TSKU: variants seen among roughly 807,000 people sequenced by gnomAD.
The protein encoded by TSKU is tsukushi.
A neutral mutation model predicts 11.2 loss-of-function variants in TSKU; 4 were observed. The observed-to-expected ratio is 0.36, with a 90% CI of 0.18 to 0.82. The LOEUF is 0.82. Among genes scored for constraint, TSKU ranks in the 40% least tolerant of loss-of-function variants. TSKU has a pLI of 0.50. For missense variants in TSKU, 407 were observed against 482.5 expected, an observed-to-expected ratio of 0.84 and a Z score of 1.47; for synonymous variants, 220 against 232.2, an observed-to-expected ratio of 0.95 and a Z score of 0.48.
At position 76,796,793 on chromosome 11, in the gene TSKU, A is replaced by G; in HGVS notation, c.*115A>G. ...TGGGGAGCCCGCAGGCCTATGTGGC[A>G]GCGTCACCACAGGAGTTGTGGGCCT... On this transcript the variant is annotated 3_prime_UTR_variant, in exon 2 of 2. Transcript: ENST00000333090. The surrounding 1 kb of genome is among the most constrained non-coding windows in gnomAD (Gnocchi z 4.1). The G allele has an allele frequency of 1.3e-6, 1 of 791,084 alleles. No individual in the cohort carries two copies. The highest frequency in any genetic ancestry group is 1.8e-6 in the Non-Finnish European group (1 of 547,652). The allele number at this position is 791,084 out of a possible 1,614,324, so 49.0% of individuals were successfully genotyped here.
At chr11:76,794,870 G>C (rs765880296) in intron 1 of TSKU, among the ~76,000 whole-genome samples, 37 of 152,200 alleles carry the variant, frequency 2.4e-4, no homozygotes, top group Non-Finnish European at 4.7e-4. Context: ...CCATTGCAGG[G>C]AGGGAGTCCT....
chr11:76,785,047 C>G (rs922827059), intron 1 of TSKU, among the ~76,000 whole-genome samples: 1 of 152,182 alleles, frequency 6.6e-6, no homozygotes, highest in African/African-American at 2.4e-5. Flanking sequence ...GATGTTTAAC[C>G]TACACCTCCA....
chr11:76,793,965 G>A (rs1018150964), intron 1 of TSKU, among the ~76,000 whole-genome samples: 2 of 152,132 alleles, frequency 1.3e-5, no homozygotes, highest in African/African-American at 2.4e-5. Flanking sequence ...CCACCTTCCA[G>A]TCTGGAAGGT....
chr11:76,789,786 T>C (rs11236936), intron 1 of TSKU, among the ~76,000 whole-genome samples: 45,355 of 152,084 alleles, frequency 0.3, 7,727 homozygotes, highest in African/African-American at 0.46. Flanking sequence ...ATTTCTCTTT[T>C]TCCTGGGGGT....
chr11:76,796,895 T>C lies in TSKU; in HGVS notation c.*217T>C, dbSNP rs1233968554. 4 of 410,488 alleles carry C rather than the reference T, an allele frequency of 9.7e-6. No individual in the cohort carries two copies. The highest frequency in any genetic ancestry group is 1.3e-5 in the Non-Finnish European group (3 of 224,678). 25.4% of individuals were successfully genotyped at this position (410,488 alleles called of 1,614,324 possible). On this transcript the variant is annotated 3_prime_UTR_variant, in exon 2 of 2. Transcript: ENST00000333090. This position sits in a 1 kb window ranked among gnomAD's most constrained non-coding sequence, Gnocchi z 4.1. ...TTGTCTACGTTGCTTCCCCAAACCATGAGCAGAGGGACTTCGATGCCAAAC... is the reference window on the plus strand; with the variant it reads ...TTGTCTACGTTGCTTCCCCAAACCACGAGCAGAGGGACTTCGATGCCAAAC...
At position 76,794,172 on chromosome 11, in the gene TSKU, A is replaced by T. The variant is rs935131638; in HGVS notation, c.-8-1437A>T. On this transcript the variant is annotated intron_variant, in intron 1 of 1. Transcript: ENST00000333090. ...GGCCGGGGTGACGACAGACTATCCAATTGGTCTAGTTAGAAGCTCCCACTG... is the reference window on the plus strand; with the variant it reads ...GGCCGGGGTGACGACAGACTATCCATTTGGTCTAGTTAGAAGCTCCCACTG... Among the ~76,000 whole-genome samples, 12 of 152,162 alleles carry T rather than the reference A, an allele frequency of 7.9e-5. 1 individual carries two copies. The highest frequency in any genetic ancestry group is 5.2e-4 in the Admixed American group (8 of 15,276).
rs1456811593 is a variant in TSKU at position 76,796,864 on chromosome 11, AC to A, written c.*190del. On this transcript the variant is annotated 3_prime_UTR_variant, in exon 2 of 2. Transcript: ENST00000333090. This position sits in a 1 kb window ranked among gnomAD's most constrained non-coding sequence, Gnocchi z 4.1. ...GAGCCACACCTAGGAGCAAAGTCTC[AC>A]CCCTTTGTCTACGTTGCTTCCCCAA... 2.5e-5 allele frequency: 11 copies of A among 448,196 alleles called. No individual in the cohort carries two copies. In the Admixed American group the frequency reaches 4.3e-4, roughly 18 times the overall value. 27.8% of individuals were successfully genotyped at this position (448,196 alleles called of 1,614,324 possible).
rs1271921564 is a variant in TSKU at position 76,787,965 on chromosome 11, C to T, written c.-9+4561C>T. The stretch of plus-strand genomic sequence containing the variant: ...AGAAGTGAGATGCTGGTGGAGAGCA[C>T]ATGGTGGGCTGCTGTGTTTGTCCAG... On this transcript the variant is annotated intron_variant, in intron 1 of 1. Coordinates refer to ENST00000333090, the MANE Select transcript of TSKU (RefSeq NM_015516.4). 2.6e-5 allele frequency among the ~76,000 whole-genome samples: 4 copies of T among 152,182 alleles called. No individual in the cohort carries two copies. In the East Asian group the frequency reaches 7.7e-4, roughly 29 times the overall value.
At chr11:76,782,662 C>G (rs1382053808), upstream of TSKU, 2 of 151,332 alleles carry the variant, frequency 1.3e-5, no homozygotes, top group Non-Finnish European at 2.9e-5. Context: ...AGTTTCCCTT[C>G]TTAGAACTCT....
At chr11:76,789,358 A>G in intron 1 of TSKU, among the ~76,000 whole-genome samples, 1 of 152,226 alleles carries the variant, frequency 6.6e-6, no homozygotes, top group East Asian at 1.9e-4. Context: ...TTCTGTAGGT[A>G]AAAAGCAGAA....
At chr11:76,788,338 T>C (rs1352881144) in intron 1 of TSKU, among the ~76,000 whole-genome samples, 2 of 151,858 alleles carry the variant, frequency 1.3e-5, no homozygotes, top group East Asian at 1.9e-4. Flanking sequence ...AGAGATGCTG[T>C]AGTGCAGCAC....
rs769758571 is a variant in TSKU at position 76,796,547 on chromosome 11, G to A, written c.931G>A (p.Gly311Ser). 1.9e-6 allele frequency: 3 copies of A among 1,600,614 alleles called. No individual in the cohort carries two copies. Among genetic ancestry groups the A allele is most frequent in the African/African-American group, 1.3e-5 (1 of 74,466 alleles). The change falls in exon 2 of 2, where the codon GGC becomes AGC. Residue 311 changes from glycine to serine, a missense_variant. By Grantham distance (56) the Gly-to-Ser change is moderately conservative. Transcript: ENST00000333090. This position sits in a 1 kb window ranked among gnomAD's most constrained non-coding sequence, Gnocchi z 4.1. ...CCCGGCACTGCAGAGCGTCAGCGTG[G>A]GCCAGGATGTGCGGTGCCGGCGCCT... is the stretch of plus-strand genomic sequence containing the variant. ...HLPALQSVSV[G>S]QDVRCRRLVR...
intron 1 of TSKU, among the ~76,000 whole-genome samples, chr11:76,786,351 A>G (rs994749717): frequency 6.6e-6 from 1 of 152,222 alleles, no homozygotes; most frequent in African/African-American, 2.4e-5. Flanking sequence ...GGCAGGTTAG[A>G]CTGGGAAAGC....
chr11:76,788,953 G>T (rs1944338576), intron 1 of TSKU, among the ~76,000 whole-genome samples: 1 of 152,244 alleles, frequency 6.6e-6, no homozygotes, highest in African/African-American at 2.4e-5. Context: ...AGGAGGGAGG[G>T]GTGGCCCGAG....
At chr11:76,784,805 A>G (rs1286461234) in intron 1 of TSKU, among the ~76,000 whole-genome samples, 1 of 151,378 alleles carries the variant, frequency 6.6e-6, no homozygotes, top group Non-Finnish European at 1.5e-5. Flanking sequence ...CCTAAGTCGC[A>G]AAGATAACCG....
At position 76,795,895 on chromosome 11, in the gene TSKU, C is replaced by T. The variant is rs1944435927; in HGVS notation, c.279C>T (p.His93=). Residue 93 remains histidine (H), a synonymous_variant, in exon 2 of 2, where the codon CAC becomes CAT. Coordinates refer to ENST00000333090, the MANE Select transcript of TSKU (RefSeq NM_015516.4). ...YTTLAGLDLS[H]NLLTSISPTA... is the part of the protein sequence containing the mutation. ...CGTTGGCTGGCCTGGATCTCAGCCA[C>T]AACCTGCTCACCAGCATCTCACCCA... The T allele has an allele frequency of 2.5e-6, 4 of 1,613,794 alleles. No individual in the cohort carries two copies. Among genetic ancestry groups the T allele is most frequent in the Non-Finnish European group, 3.4e-6 (4 of 1,180,032 alleles).
intron 1 of TSKU, among the ~76,000 whole-genome samples, 162 bp from the exon 2 acceptor site, chr11:76,795,447 G>A (rs1358315455): frequency 1.3e-5 from 2 of 152,252 alleles, no homozygotes; most frequent in Non-Finnish European, 2.9e-5. Flanking sequence ...GCAGAGGCCA[G>A]AGAAGAACTG....
intron 1 of TSKU, among the ~76,000 whole-genome samples, chr11:76,785,209 A>C (rs1465024687): frequency 6.6e-6 from 1 of 152,190 alleles, no homozygotes; most frequent in Non-Finnish European, 1.5e-5. Context: ...AGGGGGATTG[A>C]CCTTTTCTCC....
rs998493505 is a variant in TSKU, at chr11:76,797,889, G to C, written c.*1211G>C. On this transcript the variant is annotated 3_prime_UTR_variant, in exon 2 of 2. Transcript: ENST00000333090. ...TTTAACGGAGTGTCACTTTCAACCG[G>C]CCTCCCCTACCCCTGCTGGCCGGGG... The C allele has an allele frequency of 1.2e-5, 2 of 167,036 alleles. No homozygotes were observed. Among genetic ancestry groups the C allele is most frequent in the Non-Finnish European group, 2.9e-5 (2 of 68,130 alleles). The allele number at this position is 167,036 out of a possible 1,614,324, so 10.3% of individuals were successfully genotyped here.
Sources: gnomAD v4.1 joint callset for allele counts (sites outside exome capture counted in the v4.1 genomes callset) on GRCh38, gnomAD v4.1.1 for gene constraint, Gnocchi (gnomAD v3.1) non-coding constraint, MANE v1.5 for transcripts, NCBI Gene and HGNC (gene_info 2026-07-23, HGNC 2026-07-21) for gene names.